The following HSCB variants were observed in gnomAD, a reference collection of about 807,000 sequenced individuals.
HSCB encodes the protein HscB mitochondrial iron-sulfur cluster cochaperone.
A neutral mutation model predicts 31.3 loss-of-function variants in HSCB; 23 were observed. That is an observed-to-expected ratio of 0.74 (90% confidence interval 0.53 to 1.04). The LOEUF (loss-of-function observed/expected upper bound fraction) is 1.04. Ranked by LOEUF, HSCB falls within the 50% of genes least tolerant of loss-of-function variation. The pLI is 0.00. For synonymous variants in HSCB, 110 were observed against 104.5 expected, an observed-to-expected ratio of 1.05 and a Z score of -0.32; for missense variants, 297 against 288.1, an observed-to-expected ratio of 1.03 and a Z score of -0.22.
In HSCB at chr22:28,742,300, C is replaced by A; in HGVS notation, c.205C>A (p.Pro69Thr). ...PQCRALQAPDPTRDYFSLMDC... is the reference protein window; with the variant it reads ...PQCRALQAPDTTRDYFSLMDC... ...GTGCCGAGCGCTGCAGGCACCTGAC[C>A]CCACTCGAGACTACTTCAGCCTTAT... The change falls in exon 1 of 6, where the codon CCC (proline) becomes ACC (threonine). Residue 69 changes from proline (P) to threonine (T), a missense_variant. Transcript: ENST00000216027. 6.2e-7 allele frequency: 1 copy of A among 1,614,102 alleles called. No homozygotes were observed. Among genetic ancestry groups the A allele is most frequent in the Non-Finnish European group, 8.5e-7 (1 of 1,180,024 alleles).
chr22:28,752,267 C>G (rs1040672711), intron 5 of HSCB, among the ~76,000 whole-genome samples: 5 of 151,974 alleles, frequency 3.3e-5, no homozygotes, highest in African/African-American at 1.2e-4. Flanking sequence ...AACCCCATCT[C>G]TACTAAAAAT....
At chr22:28,746,055 A>G (rs753371013) in intron 4 of HSCB, 47 bp downstream of exon 4, 13 of 1,562,458 alleles carry the variant, frequency 8.3e-6, no homozygotes, top group South Asian at 3.5e-5. Context: ...TGTTATGAAC[A>G]CTTGTCCAAG....
chr22:28,754,850 C>T (rs1027449178), intron 5 of HSCB, among the ~76,000 whole-genome samples: 4 of 150,338 alleles, frequency 2.7e-5, no homozygotes, highest in African/African-American at 9.8e-5. Flanking sequence ...GGCTAGAGTA[C>T]TGTGGCATGA....
intron 5 of HSCB, among the ~76,000 whole-genome samples, chr22:28,754,007 C>T (rs1158944312): frequency 2.0e-5 from 3 of 151,604 alleles, no homozygotes; most frequent in Non-Finnish European, 4.4e-5. Context: ...GTGGCAGATG[C>T]CTGTAATCCC....
chr22:28,751,168 AAAGTTT>A lies in HSCB; in HGVS notation c.569-68_569-63del, dbSNP rs1350982591. On this transcript the variant is annotated intron_variant, in intron 4 of 5. Transcript: ENST00000216027. ...GTTGTGTTCAAACCAGCATGATTAC[AAAGTTT>A]AAGTATTGTCTTCATATTATGAGTC... 9 of 908,014 alleles carry A rather than the reference AAAGTTT, an allele frequency of 9.9e-6. No individual in the cohort carries two copies. The East Asian group carries it at 1.8e-4, about 18-fold the overall frequency. 56.2% of individuals were successfully genotyped at this position (908,014 alleles called of 1,614,324 possible).
intron 5 of HSCB, among the ~76,000 whole-genome samples, chr22:28,754,398 G>A (rs1176324480): frequency 3.3e-5 from 5 of 152,162 alleles, no homozygotes; most frequent in East Asian, 3.9e-4. Context: ...GGTCAGGCAC[G>A]GTGGCTCCCA....
chr22:28,743,031 G>A (rs2054611074), intron 1 of HSCB, among the ~76,000 whole-genome samples: 1 of 152,144 alleles, frequency 6.6e-6, no homozygotes. Flanking sequence ...CTGGGCCGTG[G>A]AAAAGTTAGG....
chr22:28,746,075 A>G, intron 4 of HSCB, 67 bp downstream of exon 4: 3 of 1,492,966 alleles, frequency 2.0e-6, no homozygotes, highest in South Asian at 1.2e-5. Flanking sequence ...GGATTAGTGA[A>G]AAATGAACGT....
At chr22:28,746,159 T>C in intron 4 of HSCB, 151 bp downstream of exon 4, 1 of 616,406 alleles carries the variant, frequency 1.6e-6, no homozygotes, top group Non-Finnish European at 2.6e-6. Context: ...GGCAAGTGGA[T>C]CACCTGAGGT....
At chr22:28,745,820 C>T (rs2054676338) in intron 3 of HSCB, 44 bp from the exon 4 acceptor site, 1 of 1,541,324 alleles carries the variant, frequency 6.5e-7, no homozygotes, top group African/African-American at 1.4e-5. Flanking sequence ...ATTACTCTGC[C>T]CATAGCTTCT....
intron 1 of HSCB, among the ~76,000 whole-genome samples, 193 bp from the exon 2 acceptor site, chr22:28,743,689 G>C (rs2054633020): frequency 6.6e-6 from 1 of 152,132 alleles, no homozygotes; most frequent in Non-Finnish European, 1.5e-5. Context: ...TTTCAGCTGA[G>C]TGTCATCTCT....
chr22:28,744,127 G>A, intron 2 of HSCB, 149 bp downstream of exon 2: 1 of 691,456 alleles, frequency 1.4e-6, no homozygotes, highest in Non-Finnish European at 2.6e-6. Context: ...CAGACCCAGA[G>A]CTGCCATTCA....
At chr22:28,746,082 A>G in intron 4 of HSCB, 74 bp downstream of exon 4, 1 of 1,473,064 alleles carries the variant, frequency 6.8e-7, no homozygotes, top group Non-Finnish European at 9.3e-7. Flanking sequence ...TGAAAAATGA[A>G]CGTAGAGTAT....
chr22:28,746,579 C>T (rs141039139), intron 4 of HSCB, among the ~76,000 whole-genome samples: 1,889 of 151,414 alleles, frequency 0.012, 45 homozygotes, highest in African/African-American at 0.043. Context: ...GTGGCGAAAC[C>T]CCATCTCTAA....
chr22:28,749,231 T>C (rs902715963), intron 4 of HSCB, among the ~76,000 whole-genome samples: 4 of 151,938 alleles, frequency 2.6e-5, no homozygotes, highest in Admixed American at 6.6e-5. Context: ...TGGCCTCTGC[T>C]TCTCTCTGTT....
At chr22:28,750,945 C>CTTTTTTGT (rs2030188514) in intron 4 of HSCB, among the ~76,000 whole-genome samples, 1 of 56,452 alleles carries the variant, frequency 1.8e-5, no homozygotes, top group Non-Finnish European at 3.2e-5. Flanking sequence ...ATATCTTTGT[C>CTTTTTTGT]TTTTTTTTTT....
intron 4 of HSCB, among the ~76,000 whole-genome samples, chr22:28,746,309 A>C (rs937131239): frequency 1.4e-5 from 2 of 143,282 alleles, no homozygotes; most frequent in African/African-American, 5.2e-5. Flanking sequence ...TGAACCCGAG[A>C]GGCAGAGATT....
intron 5 of HSCB, among the ~76,000 whole-genome samples, chr22:28,756,872 C>T (rs1317035460): frequency 6.6e-6 from 1 of 152,154 alleles, no homozygotes; most frequent in Non-Finnish European, 1.5e-5. Flanking sequence ...TACACATGCT[C>T]TTACACAACT....
rs533596937 is a variant in HSCB, at chr22:28,750,831, C to T, written c.569-410C>T. Among the ~76,000 whole-genome samples the T allele has an allele frequency of 1.4e-4, 22 of 151,900 alleles. No homozygotes were observed. The South Asian group carries it at 3.7e-3, about 26-fold the overall frequency. On this transcript the variant is annotated intron_variant, in intron 4 of 5. Transcript: ENST00000216027. ...GGCTATACAGTTTGCAAGTGGTTGC[C>T]GGAAACACTCAGTAATGCTTTACTG...
Sources: allele counts gnomAD v4.1 joint callset (sites outside exome capture counted in the v4.1 genomes callset), GRCh38; gene constraint gnomAD v4.1.1; transcripts MANE v1.5; gene names NCBI Gene and HGNC (gene_info 2026-07-23, HGNC 2026-07-21).